The following CADM2 variants were observed in gnomAD, a reference collection of about 807,000 sequenced individuals.
The protein encoded by CADM2 is cell adhesion molecule 2, also known as immunoglobulin superfamily member 4D.
In CADM2, 12 loss-of-function variants were observed where a neutral mutation model predicts 49.8. The ratio of observed to expected loss-of-function variants is 0.24; its 90% CI spans 0.15 to 0.39. The LOEUF is 0.39. Ranked by LOEUF, CADM2 falls within the 10% of genes least tolerant of loss-of-function variation. The pLI is 1.00. For missense variants in CADM2, 378 were observed against 492.3 expected (o/e 0.77, Z 2.20); for synonymous variants, 214 against 175.4 (o/e 1.22, Z -1.74).
chr3:85,295,291 A>G (rs1281559404), intron 1 of CADM2, among the ~76,000 whole-genome samples: 1 of 151,758 alleles, frequency 6.6e-6, no homozygotes, highest in African/African-American at 2.4e-5. Flanking sequence ...TCAGGAAACA[A>G]CAGGTGCTGG....
At chr3:85,969,501 T>C (rs1559773458) in intron 8 of CADM2, among the ~76,000 whole-genome samples, 2 of 151,428 alleles carry the variant, frequency 1.3e-5, no homozygotes, top group African/African-American at 4.8e-5. Flanking sequence ...AGGCCTTTTT[T>C]TTCCATTACC....
chr3:85,308,956 G>A (rs924830002), intron 1 of CADM2, among the ~76,000 whole-genome samples: 2 of 152,144 alleles, frequency 1.3e-5, no homozygotes, highest in Admixed American at 6.6e-5. Flanking sequence ...ATTTGACAAC[G>A]GACAACAGAC....
chr3:85,960,900 T>C (rs1724727260), intron 7 of CADM2, among the ~76,000 whole-genome samples: 1 of 149,618 alleles, frequency 6.7e-6, no homozygotes, highest in South Asian at 2.1e-4. Flanking sequence ...ATCTTTTTTA[T>C]ATTTATTTTA....
chr3:85,791,059 A>G (rs2071293765), intron 2 of CADM2, among the ~76,000 whole-genome samples: 1 of 152,210 alleles, frequency 6.6e-6, no homozygotes, highest in Non-Finnish European at 1.5e-5. Context: ...AGACAAACCT[A>G]AAAGCTGCAA....
chr3:85,551,090 C>A (rs1458204822), intron 1 of CADM2, among the ~76,000 whole-genome samples: 1 of 152,094 alleles, frequency 6.6e-6, no homozygotes, highest in Non-Finnish European at 1.5e-5. Flanking sequence ...TTCAAACAAT[C>A]TTCCCACCTC....
In CADM2 at chr3:84,959,402, G is replaced by C. The variant is rs1433877392; in HGVS notation, c.-206G>C. 3.4e-6 allele frequency: 2 copies of C among 583,028 alleles called. No individual in the cohort carries two copies. Among genetic ancestry groups the C allele is most frequent in the African/African-American group, 1.9e-5 (1 of 52,466 alleles). The allele number at this position is 583,028 out of a possible 1,614,324, so 36.1% of individuals were successfully genotyped here. A position where few individuals can be genotyped will look rare whatever the true frequency, so the allele number is the denominator to read the frequency against. On this transcript the variant is annotated 5_prime_UTR_variant, in exon 1 of 10. Coordinates refer to ENST00000383699, the MANE Select transcript of CADM2 (RefSeq NM_001167675.2). ...GAGGAGGAGGAGAAGAAACTATTTCGCGATACCCCATTCTGCGGGTGCTTT... is the reference window on the plus strand; with the variant it reads ...GAGGAGGAGGAGAAGAAACTATTTCCCGATACCCCATTCTGCGGGTGCTTT...
rs779667418 is a variant in CADM2 at position 85,323,297 on chromosome 3, AT to A, written c.61+363632del. ...CTAAGACTTCCCTTAAATGGGACCT[AT>A]TTGGTAGCATTTAATTCTGCAATAT... On this transcript the variant is annotated intron_variant, in intron 1 of 9. Coordinates refer to ENST00000383699, the MANE Select transcript of CADM2 (RefSeq NM_001167675.2). 4.9e-4 allele frequency among the ~76,000 whole-genome samples: 75 copies of A among 152,244 alleles called. No individual in the cohort carries two copies. In the Middle Eastern group the frequency reaches 0.024, roughly 48 times the overall value.
At chr3:85,430,377 C>T (rs1455432156) in intron 1 of CADM2, among the ~76,000 whole-genome samples, 2 of 151,914 alleles carry the variant, frequency 1.3e-5, no homozygotes, top group East Asian at 1.9e-4. Context: ...AGGCTGGGCA[C>T]AAGGGCTCAG....
intron 1 of CADM2, among the ~76,000 whole-genome samples, chr3:85,716,373 T>G (rs2067292949): frequency 6.6e-6 from 1 of 152,238 alleles, no homozygotes; most frequent in African/African-American, 2.4e-5. Flanking sequence ...CTTGTAAACT[T>G]ACTTAAGTTC....
chr3:85,239,313 T>A (rs1248064226), intron 1 of CADM2, among the ~76,000 whole-genome samples: 2 of 151,836 alleles, frequency 1.3e-5, no homozygotes, highest in African/African-American at 2.4e-5. Context: ...GATGGCAGAC[T>A]GTGTGAAAAA....
intron 1 of CADM2, among the ~76,000 whole-genome samples, chr3:85,482,984 T>G (rs764650450): frequency 1.8e-4 from 28 of 151,796 alleles, no homozygotes; most frequent in Non-Finnish European, 3.0e-4. Flanking sequence ...TTGATTTTAC[T>G]CTTAGAATCT....
intron 1 of CADM2, among the ~76,000 whole-genome samples, chr3:85,570,253 T>A (rs952928288): frequency 4.6e-5 from 7 of 152,152 alleles, no homozygotes; most frequent in Admixed American, 2.0e-4. Flanking sequence ...TTTTGGGGAA[T>A]TTTTTAATGA....
chr3:85,529,391 G>T (rs2061244210), intron 1 of CADM2, among the ~76,000 whole-genome samples: 1 of 152,164 alleles, frequency 6.6e-6, no homozygotes, highest in Admixed American at 6.5e-5. Flanking sequence ...TGCATTTTGA[G>T]CCAGAGCAGA....
rs1338494230 is a variant in CADM2 at position 86,039,652 on chromosome 3, TG to T, written c.971-25947del. On this transcript the variant is annotated intron_variant, in intron 8 of 9. Coordinates refer to ENST00000383699, the MANE Select transcript of CADM2 (RefSeq NM_001167675.2). ...TGCTGGCTTCTGTAGAATCCACCTCTGGGGGGAGGGCATAGCCAAACAAAAG... is the reference window on the plus strand; with the variant it reads ...TGCTGGCTTCTGTAGAATCCACCTCTGGGGGAGGGCATAGCCAAACAAAAG... 2.0e-4 allele frequency among the ~76,000 whole-genome samples: 31 copies of T among 152,238 alleles called. 1 individual carries two copies. The highest frequency in any genetic ancestry group is 1.8e-3 in the Admixed American group (28 of 15,300).
At chr3:85,216,357 T>C (rs2041926275) in intron 1 of CADM2, among the ~76,000 whole-genome samples, 1 of 147,610 alleles carries the variant, frequency 6.8e-6, no homozygotes. Flanking sequence ...ATTATATTAA[T>C]AGTAATATAT....
intron 1 of CADM2, among the ~76,000 whole-genome samples, chr3:85,440,543 C>T (rs1019808950): frequency 2.0e-5 from 3 of 152,064 alleles, no homozygotes; most frequent in African/African-American, 7.2e-5. Context: ...TGAAACATTG[C>T]GACCTTAGGT....
At chr3:85,452,053 T>C (rs1377926931) in intron 1 of CADM2, among the ~76,000 whole-genome samples, 47 of 152,172 alleles carry the variant, frequency 3.1e-4, no homozygotes, top group Admixed American at 3.1e-3. Flanking sequence ...ATTTACATTC[T>C]GTAAGGCTTC....
At chr3:85,590,675 TGGGTGAAAA>T (rs2063081225) in intron 1 of CADM2, among the ~76,000 whole-genome samples, 1 of 151,718 alleles carries the variant, frequency 6.6e-6, no homozygotes, top group Non-Finnish European at 1.5e-5. Flanking sequence ...TGAAAAATAA[TGGGTGAAAA>T]GGGTCTGGAA....
At chr3:85,744,597 T>C (rs1282303957) in intron 2 of CADM2, among the ~76,000 whole-genome samples, 1 of 152,072 alleles carries the variant, frequency 6.6e-6, no homozygotes, top group Non-Finnish European at 1.5e-5. Context: ...AAGACGATGT[T>C]TGGACAGAAT....
Sources: allele counts gnomAD v4.1 joint callset (sites outside exome capture counted in the v4.1 genomes callset), GRCh38; gene constraint gnomAD v4.1.1; transcripts MANE v1.5; gene names NCBI Gene and HGNC (gene_info 2026-07-23, HGNC 2026-07-21).